MYT1L: variants seen among roughly 807,000 people sequenced by gnomAD.
The protein encoded by MYT1L is myelin transcription factor 1 like.
MYT1L carries 12 observed loss-of-function variants against 126.7 expected under a neutral mutation model. The ratio of observed to expected loss-of-function variants is 0.09; its 90% CI spans 0.06 to 0.15. The LOEUF is 0.15. Ranked by LOEUF, MYT1L falls within the 10% of genes least tolerant of loss-of-function variation. MYT1L has a pLI of 1.00. For missense variants in MYT1L, 979 were observed against 1,585.2 expected (o/e 0.62, Z 6.49); for synonymous variants, 541 against 604.2 (o/e 0.90, Z 1.53).
At chr2:1,968,828 C>T (rs2059589834) in intron 8 of MYT1L, among the ~76,000 whole-genome samples, 1 of 152,168 alleles carries the variant, frequency 6.6e-6, no homozygotes, top group Non-Finnish European at 1.5e-5. Flanking sequence ...TCTCTCAGAC[C>T]CCATCCTGTC....
intron 3 of MYT1L, among the ~76,000 whole-genome samples, chr2:2,082,718 T>C (rs1353437546): frequency 6.6e-6 from 1 of 152,178 alleles, no homozygotes; most frequent in African/African-American, 2.4e-5. Context: ...ACTGGGGATA[T>C]ATATAAACCC....
intron 1 of MYT1L, chr2:2,303,610 C>G (rs1184396521): frequency 6.6e-6 from 1 of 152,252 alleles, no homozygotes. Flanking sequence ...GGACTGTGTT[C>G]AGGCAGTTCT....
intron 3 of MYT1L, among the ~76,000 whole-genome samples, chr2:2,060,584 T>C (rs542540200): frequency 4.1e-4 from 63 of 152,290 alleles, no homozygotes; most frequent in African/African-American, 1.5e-3. Flanking sequence ...TTTGAAAGTT[T>C]TGCATTTGAG....
chr2:2,235,964 T>C (rs2094287639), intron 2 of MYT1L, among the ~76,000 whole-genome samples: 2 of 152,184 alleles, frequency 1.3e-5, no homozygotes, highest in Admixed American at 6.5e-5. Flanking sequence ...ATCTGAATTT[T>C]TGAGACACAT....
rs2041340518 is a variant in MYT1L, at chr2:1,839,357, C to G, written c.2872G>C (p.Gly958Arg). 2 of 1,612,724 alleles carry G rather than the reference C, an allele frequency of 1.2e-6. No homozygotes were observed. The highest frequency in any genetic ancestry group is 1.7e-5 in the Admixed American group (1 of 59,996). Residue 958 changes from glycine (G) to arginine (R), a missense_variant, in exon 21 of 25, where the codon GGG becomes CGG. Physicochemically the swap from Gly to Arg is moderately radical, Grantham distance 125. Coordinates refer to ENST00000647738, the MANE Select transcript of MYT1L (RefSeq NM_001303052.2). ...DQEPIRCPVP[G>R]CDGQGHITGK... The stretch of plus-strand genomic sequence containing the variant: ...GTGATGTGGCCCTGGCCGTCGCACC[C>G]GGGGACCGGACACCTGTAGGCAGGC...
At chr2:1,909,469 T>C (rs1356970794) in intron 13 of MYT1L, among the ~76,000 whole-genome samples, 1 of 152,184 alleles carries the variant, frequency 6.6e-6, no homozygotes, top group African/African-American at 2.4e-5. Context: ...TCTGCTGTGA[T>C]GTTGTGTGAA....
intron 13 of MYT1L, among the ~76,000 whole-genome samples, chr2:1,904,208 C>A (rs939351311): frequency 9.2e-5 from 14 of 152,262 alleles, no homozygotes; most frequent in African/African-American, 3.4e-4. Flanking sequence ...CACAGATGTC[C>A]TTTTTCTGAC....
chr2:1,939,264 A>G (rs2056366456), intron 9 of MYT1L, among the ~76,000 whole-genome samples: 1 of 152,210 alleles, frequency 6.6e-6, no homozygotes, highest in African/African-American at 2.4e-5. Context: ...AAGGAGCACA[A>G]TCAACTGCAG....
At chr2:2,023,708 C>T (rs560782970) in intron 4 of MYT1L, among the ~76,000 whole-genome samples, 2 of 151,890 alleles carry the variant, frequency 1.3e-5, no homozygotes, top group South Asian at 2.1e-4. Context: ...TCTTCCTCTT[C>T]GACGAAGTGA....
chr2:2,292,920 G>A (rs965616010), intron 1 of MYT1L, among the ~76,000 whole-genome samples: 1 of 152,144 alleles, frequency 6.6e-6, no homozygotes, highest in East Asian at 1.9e-4. Context: ...TCGGTGAGAC[G>A]GGGAACCAAG....
rs193105468 is a variant in MYT1L, at chr2:2,143,086, T to C, written c.-304+29786A>G. Among the ~76,000 whole-genome samples, 1,309 of 150,874 alleles carry C rather than the reference T, an allele frequency of 8.7e-3. 21 individuals carry two copies. Among genetic ancestry groups the C allele is most frequent in the African/African-American group, 0.026 (1,088 of 41,228 alleles). ...CGGGCAGATCATGAGGTCAGGAGAT[T>C]GAGACCATCCTGGCTAACATGGTGA... is the stretch of plus-strand genomic sequence containing the variant. On this transcript the variant is annotated intron_variant, in intron 3 of 24. Coordinates refer to ENST00000647738, the MANE Select transcript of MYT1L (RefSeq NM_001303052.2).
At chr2:1,810,720 A>G (rs1376939437) in intron 21 of MYT1L, among the ~76,000 whole-genome samples, 2 of 152,230 alleles carry the variant, frequency 1.3e-5, no homozygotes, top group African/African-American at 4.8e-5. Context: ...TAGCAGAAGA[A>G]CTTGATCGTA....
rs148009982 is a variant in MYT1L, at chr2:1,942,998, T to TTCCTCCTCCTCC, written c.477_488dup (p.Glu164_Glu167dup). The stretch of plus-strand genomic sequence containing the variant: ...AAAGATTACCGTTTTCTTCTTCCTC[T>TTCCTCCTCCTCC]TCCTCCTCCTCCTCCTCCTCCTCTT... On this transcript the variant is annotated inframe_insertion, in exon 9 of 25. Coordinates refer to ENST00000647738, the MANE Select transcript of MYT1L (RefSeq NM_001303052.2). The TTCCTCCTCCTCC allele has an allele frequency of 6.5e-7, 1 of 1,529,902 alleles. No homozygotes were observed. The highest frequency in any genetic ancestry group is 8.8e-7 in the Non-Finnish European group (1 of 1,132,308). 94.8% of individuals were successfully genotyped at this position (1,529,902 alleles called of 1,614,324 possible).
intron 3 of MYT1L, among the ~76,000 whole-genome samples, chr2:2,102,849 C>A (rs2078265389): frequency 6.6e-6 from 1 of 151,584 alleles, no homozygotes; most frequent in South Asian, 2.1e-4. Flanking sequence ...GATATTGCTC[C>A]AGTAGAATAT....
At chr2:1,870,997 G>C (rs1314798716) in intron 18 of MYT1L, among the ~76,000 whole-genome samples, 2 of 152,154 alleles carry the variant, frequency 1.3e-5, no homozygotes, top group Non-Finnish European at 2.9e-5. Flanking sequence ...CTGGTGCACG[G>C]GATCCACGAA....
At chr2:1,934,146 T>C (rs2055440231) in intron 9 of MYT1L, among the ~76,000 whole-genome samples, 1 of 151,558 alleles carries the variant, frequency 6.6e-6, no homozygotes, top group Middle Eastern at 3.4e-3. Context: ...GGCTAATTTT[T>C]TGTATTTTTA....
chr2:1,850,036 G>GC (rs2043014833), intron 19 of MYT1L, among the ~76,000 whole-genome samples: 1 of 150,772 alleles, frequency 6.6e-6, no homozygotes, highest in Non-Finnish European at 1.5e-5. Flanking sequence ...GGTGGTGAGG[G>GC]GGGGGCCATT....
At chr2:1,893,839 G>A (rs146791001) in intron 14 of MYT1L, among the ~76,000 whole-genome samples, 1 of 152,324 alleles carries the variant, frequency 6.6e-6, no homozygotes, top group Non-Finnish European at 1.5e-5. Context: ...GACAAGGTTT[G>A]GTTTGGGACT....
At chr2:2,319,717 A>C (rs2096127524) in intron 1 of MYT1L, among the ~76,000 whole-genome samples, 2 of 152,022 alleles carry the variant, frequency 1.3e-5, no homozygotes, top group Non-Finnish European at 2.9e-5. Flanking sequence ...CAAGAAAAGT[A>C]AACCTAGAAG....
Sources: gnomAD v4.1 joint callset for allele counts (sites outside exome capture counted in the v4.1 genomes callset) on GRCh38, gnomAD v4.1.1 for gene constraint, MANE v1.5 for transcripts, NCBI Gene and HGNC (gene_info 2026-07-23, HGNC 2026-07-21) for gene names.